TRIM24: variants seen among roughly 807,000 people sequenced by gnomAD.
The protein encoded by TRIM24 is transcription intermediary factor 1-alpha.
Under a neutral mutation model 123.9 loss-of-function variants are expected in TRIM24, and 29 were observed. That is an observed-to-expected ratio of 0.23 (90% confidence interval 0.17 to 0.32). The LOEUF (loss-of-function observed/expected upper bound fraction) is 0.32, where lower values mean the gene tolerates loss of function less well. Ranked by LOEUF, TRIM24 falls within the 10% of genes least tolerant of loss-of-function variation. The pLI is 1.00. For synonymous variants in TRIM24, 456 were observed against 461.1 expected, an observed-to-expected ratio of 0.99 and a Z score of 0.14; for missense variants, 932 against 1,295.3, an observed-to-expected ratio of 0.72 and a Z score of 4.31.
chr7:138,580,493 T>G, intron 15 of TRIM24, 69 bp from the exon 16 acceptor site: 1 of 1,536,998 alleles, frequency 6.5e-7, no homozygotes, highest in Non-Finnish European at 8.8e-7. Flanking sequence ...ATGGAGGAGG[T>G]GGGAAAGGGA....
intron 15 of TRIM24, among the ~76,000 whole-genome samples, chr7:138,580,167 CT>C (rs758350814): frequency 2.9e-4 from 44 of 152,084 alleles, no homozygotes; most frequent in Non-Finnish European, 5.6e-4. Context: ...GAAGGCCATA[CT>C]TTTGAAAATT....
chr7:138,524,821 T>A (rs2116575835), intron 4 of TRIM24, among the ~76,000 whole-genome samples: 1 of 152,250 alleles, frequency 6.6e-6, no homozygotes, highest in Non-Finnish European at 1.5e-5. Flanking sequence ...TTTATCCTGA[T>A]TTATCTTGTG....
intron 1 of TRIM24, among the ~76,000 whole-genome samples, chr7:138,482,886 C>G (rs150964697): frequency 1.3e-5 from 2 of 152,202 alleles, no homozygotes; most frequent in African/African-American, 4.8e-5. Context: ...CTTTTGGCCA[C>G]TGTGCCTGGC....
At chr7:138,487,963 T>G (rs979158362) in intron 1 of TRIM24, among the ~76,000 whole-genome samples, 7 of 152,114 alleles carry the variant, frequency 4.6e-5, no homozygotes, top group African/African-American at 1.7e-4. Flanking sequence ...GCTGTGAATA[T>G]GTCTGGTCCT....
chr7:138,589,386 TACC>T lies in TRIM24; in HGVS notation c.*4438_*4440del, dbSNP rs1486722674. ...TGATGGATTTTTACTGTCAATATTT[TACC>T]ACAAGGATTTTTTAATAGAAAAATT... On this transcript the variant is annotated 3_prime_UTR_variant, in exon 19 of 19. Transcript: ENST00000343526. The T allele has an allele frequency of 5.3e-5, 8 of 152,194 alleles. No homozygotes were observed. Among genetic ancestry groups the T allele is most frequent in the Non-Finnish European group, 1.2e-4 (8 of 68,032 alleles). The allele number at this position is 152,194 out of a possible 1,614,324, so 9.4% of individuals were successfully genotyped here.
Position 138,567,872 on chromosome 7 carries a change from A to G in TRIM24, c.1704+218A>G, listed in dbSNP as rs569670627. On this transcript the variant is annotated intron_variant, in intron 10 of 18. Coordinates refer to ENST00000343526, the MANE Select transcript of TRIM24 (RefSeq NM_015905.3). ...TGATGGCCCAATATAATCAATGACC[A>G]TAGGTATTAATTTTTATAATATGGT... 6.2e-4 allele frequency among the ~76,000 whole-genome samples: 95 copies of G among 152,332 alleles called. 1 individual carries two copies. The highest frequency in any genetic ancestry group is 2.1e-3 in the South Asian group (10 of 4,834).
At chr7:138,498,486 A>G (rs1192017262) in intron 1 of TRIM24, among the ~76,000 whole-genome samples, 1 of 151,822 alleles carries the variant, frequency 6.6e-6, no homozygotes. Flanking sequence ...TGGCCTCCCA[A>G]AGTACTGGGG....
In TRIM24 at chr7:138,554,714, G is replaced by T; in HGVS notation, c.1278G>T (p.Glu426Asp). 1 of 1,614,062 alleles carries T rather than the reference G, an allele frequency of 6.2e-7. No individual in the cohort carries two copies. The highest frequency in any genetic ancestry group is 8.5e-7 in the Non-Finnish European group (1 of 1,179,948). ...TTTAATTAGGTTCTTTAGTAATCGA[G>T]GATAAAGAGAGCCAGCCACAAATGC... is the stretch of plus-strand genomic sequence containing the variant. ...NIINLGSLVI[E>D]DKESQPQMPK... The change falls in exon 9 of 19, where the codon GAG becomes GAT. Residue 426 changes from glutamate to aspartate, a missense_variant. By Grantham distance (45) the Glu-to-Asp change is conservative. This residue lies in a region of TRIM24 where 527 missense variants were observed against 691.3 expected (regional missense o/e 0.76). Coordinates refer to ENST00000343526, the MANE Select transcript of TRIM24 (RefSeq NM_015905.3). This position sits in a 1 kb window ranked among gnomAD's most constrained non-coding sequence, Gnocchi z 4.5.
At chr7:138,492,273 C>CAAAAAAAA (rs34380067) in intron 1 of TRIM24, among the ~76,000 whole-genome samples, 6 of 60,000 alleles carry the variant, frequency 1.0e-4, no homozygotes, top group African/African-American at 3.8e-4. Context: ...ACTCTGTCTC[C>CAAAAAAAA]AAAAAAAAAA....
chr7:138,535,531 T>C (rs551107986), intron 6 of TRIM24, among the ~76,000 whole-genome samples: 1 of 152,306 alleles, frequency 6.6e-6, no homozygotes, highest in South Asian at 2.1e-4. Flanking sequence ...TTTAAGGCTG[T>C]TGAATATTGG....
intron 15 of TRIM24, among the ~76,000 whole-genome samples, chr7:138,580,095 G>T (rs1004375803): frequency 5.3e-5 from 8 of 152,146 alleles, no homozygotes; most frequent in Non-Finnish European, 1.0e-4. Flanking sequence ...ACCCTATGGG[G>T]ATGATGATCA....
At position 138,585,140 on chromosome 7, in the gene TRIM24, AAAG is replaced by A. The variant is rs1247737644; in HGVS notation, c.*193_*195del. 3 of 425,874 alleles carry A rather than the reference AAAG, an allele frequency of 7.0e-6. No homozygotes were observed. The highest frequency in any genetic ancestry group is 8.2e-6 in the Non-Finnish European group (2 of 244,624). 26.4% of individuals were successfully genotyped at this position (425,874 alleles called of 1,614,324 possible). A position where few individuals can be genotyped will look rare whatever the true frequency, so the allele number is the denominator to read the frequency against. On this transcript the variant is annotated 3_prime_UTR_variant, in exon 19 of 19. Transcript: ENST00000343526. ...ACCTCTTATCACTAAGAAAGAAAGG[AAAG>A]AAGGAGATGAATAGAAGAAAGAAAA...
chr7:138,460,904 C>A lies in TRIM24; in HGVS notation c.356C>A (p.Ala119Asp). 6.7e-7 allele frequency: 1 copy of A among 1,500,854 alleles called. No homozygotes were observed. Among genetic ancestry groups the A allele is most frequent in the Admixed American group, 2.2e-5 (1 of 45,530 alleles). The allele number at this position is 1,500,854 out of a possible 1,614,324, so 93.0% of individuals were successfully genotyped here. A position where few individuals can be genotyped will look rare whatever the true frequency, so the allele number is the denominator to read the frequency against. The change falls in exon 1 of 19, where the codon GCC becomes GAC. Residue 119 changes from alanine (A) to aspartate (D), a missense_variant. Around this residue, in one of 7 missense-constraint regions of TRIM24, gnomAD observed 164 missense variants for 181.9 expected, o/e 0.90. Coordinates refer to ENST00000343526, the MANE Select transcript of TRIM24 (RefSeq NM_015905.3). ...GSPVSGSSPF[A>D]TQVGVIRCPV... ...CCGGTCAGCGGCTCGTCGCCGTTCGCCACCCAAGGTGAGAACCGGCCGCGG... is the reference window on the plus strand; with the variant it reads ...CCGGTCAGCGGCTCGTCGCCGTTCGACACCCAAGGTGAGAACCGGCCGCGG...
At chr7:138,482,922 G>C (rs1795560882) in intron 1 of TRIM24, among the ~76,000 whole-genome samples, 1 of 151,274 alleles carries the variant, frequency 6.6e-6, no homozygotes, top group East Asian at 2.0e-4. Context: ...GTCTTAATTT[G>C]TTTTTGTTTT....
Position 138,551,068 on chromosome 7 carries a change from A to G in TRIM24, c.1149A>G (p.Thr383=), listed in dbSNP as rs749293039. 3.1e-5 allele frequency: 50 copies of G among 1,613,138 alleles called. No individual in the cohort carries two copies. The highest frequency in any genetic ancestry group is 4.0e-5 in the Non-Finnish European group (47 of 1,179,344). The part of the protein sequence containing the change: ...TALLYSKRLI[T]YRLRHLLRAR... ...ATCTCTCCTTTTTCTTCTAGATTAC[A>G]TACCGGTTACGGCACCTCCTTCGTG... Residue 383 remains threonine, a synonymous_variant, in exon 8 of 19, where the codon ACA becomes ACG. Coordinates refer to ENST00000343526, the MANE Select transcript of TRIM24 (RefSeq NM_015905.3).
In TRIM24 at chr7:138,585,690, C is replaced by A; in HGVS notation, c.*739C>A. On this transcript the variant is annotated 3_prime_UTR_variant, in exon 19 of 19. Transcript: ENST00000343526. The stretch of plus-strand genomic sequence containing the variant: ...TACATTTCTAGATCTAGATTTTCAA[C>A]TTCTTCCACTGAGGGAAGTATATAC... The A allele has an allele frequency of 2.6e-6, 1 of 390,788 alleles. No homozygotes were observed. The allele number at this position is 390,788 out of a possible 1,614,324, so 24.2% of individuals were successfully genotyped here. A position where few individuals can be genotyped will look rare whatever the true frequency, so the allele number is the denominator to read the frequency against.
intron 7 of TRIM24, among the ~76,000 whole-genome samples, chr7:138,542,098 T>C (rs1360238852): frequency 6.6e-6 from 1 of 152,232 alleles, no homozygotes; most frequent in Non-Finnish European, 1.5e-5. Flanking sequence ...CTATCAGCAA[T>C]AAGTCTGCTT....
intron 1 of TRIM24, among the ~76,000 whole-genome samples, chr7:138,471,989 C>A (rs1174459780): frequency 6.6e-6 from 1 of 151,938 alleles, no homozygotes; most frequent in Admixed American, 6.6e-5. Flanking sequence ...TCATGCTCCT[C>A]CTGCAAGGTC....
chr7:138,559,670 C>T (rs908595190), intron 9 of TRIM24, among the ~76,000 whole-genome samples: 5 of 152,078 alleles, frequency 3.3e-5, no homozygotes, highest in African/African-American at 7.2e-5. Context: ...CTGGTCCCAC[C>T]GTAGGATCAG....
Sources: allele counts gnomAD v4.1 joint callset (sites outside exome capture counted in the v4.1 genomes callset), GRCh38; gene constraint gnomAD v4.1.1; regional missense constraint gnomAD v4.1.1; non-coding constraint Gnocchi (gnomAD v3.1); transcripts MANE v1.5; gene names NCBI Gene and HGNC (gene_info 2026-07-23, HGNC 2026-07-21).